Variants in BEGAIN observed in about 807,000 individuals in gnomAD.
BEGAIN encodes the protein brain enriched guanylate kinase associated, also known as brain-enriched guanylate kinase-associated protein.
In BEGAIN, 19 loss-of-function variants were observed where a neutral mutation model predicts 35.8. The ratio of observed to expected loss-of-function variants is 0.53; its 90% CI spans 0.37 to 0.78. BEGAIN has a LOEUF of 0.78. Ranked by LOEUF, BEGAIN falls within the 30% of genes least tolerant of loss-of-function variation. The pLI, the probability that BEGAIN is intolerant of heterozygous loss-of-function variation, is 0.00. For missense variants in BEGAIN, 795 were observed against 853.6 expected, an observed-to-expected ratio of 0.93 and a Z score of 0.85; for synonymous variants, 462 against 388.6, an observed-to-expected ratio of 1.19 and a Z score of -2.22.
rs1173237635 is a variant in BEGAIN at position 100,568,715 on chromosome 14, CG to C, written c.43-777del. Among the ~76,000 whole-genome samples the C allele has an allele frequency of 6.6e-6, 1 of 151,854 alleles. No individual in the cohort carries two copies. Among genetic ancestry groups the C allele is most frequent in the Non-Finnish European group, 1.5e-5 (1 of 67,900 alleles). On this transcript the variant is annotated intron_variant, in intron 1 of 6. Coordinates refer to ENST00000554140, the MANE Select transcript of BEGAIN (RefSeq NM_001385089.1). This position sits in a 1 kb window ranked among gnomAD's most constrained non-coding sequence, Gnocchi z 7.5. ...CCCGCCGCCGTTAACCTTGTGGGCG[CG>C]GGCGAGCGACGGGGACCGCGAGCGG...
intron 5 of BEGAIN, among the ~76,000 whole-genome samples, chr14:100,541,838 G>C (rs2031668240): frequency 6.6e-6 from 1 of 152,220 alleles, no homozygotes; most frequent in South Asian, 2.1e-4. Context: ...AGCAGCCGCA[G>C]CTGCTGGCTC....
At chr14:100,544,766 C>T (rs1463785538) in intron 4 of BEGAIN, among the ~76,000 whole-genome samples, 2 of 152,150 alleles carry the variant, frequency 1.3e-5, no homozygotes, top group African/African-American at 4.8e-5. Context: ...CCCTCTTACA[C>T]ACCCCCAGGC....
At chr14:100,554,987 G>T (rs1326337229) in intron 2 of BEGAIN, among the ~76,000 whole-genome samples, 1 of 152,202 alleles carries the variant, frequency 6.6e-6, no homozygotes, top group African/African-American at 2.4e-5. Flanking sequence ...GCTGAGCAGG[G>T]GGGTCACACG....
Position 100,538,271 on chromosome 14 carries a change from G to T in BEGAIN, c.1537C>A (p.Arg513=). Reference sequence around the variant, plus strand: ...CTGAGGCTCAGGTCGCCGCCCGCCCGCAGGAAGCAGGGCTCTGCCAGGTGG... The same window carrying T: ...CTGAGGCTCAGGTCGCCGCCCGCCCTCAGGAAGCAGGGCTCTGCCAGGTGG... ...QGHLAEPCFL[R]AGGDLSLSPG... The change falls in exon 7 of 7, where the codon CGG becomes AGG. Residue 513 remains arginine (R), a synonymous_variant. Transcript: ENST00000554140. The T allele has an allele frequency of 1.9e-6, 3 of 1,564,428 alleles. No individual in the cohort carries two copies. Among genetic ancestry groups the T allele is most frequent in the Non-Finnish European group, 2.6e-6 (3 of 1,163,374 alleles).
chr14:100,561,497 C>G lies in BEGAIN; in HGVS notation c.71+6414G>C, dbSNP rs113244415. On this transcript the variant is annotated intron_variant, in intron 2 of 6. Transcript: ENST00000554140. ...GGTGTGGTGGCTCATGTCTGTAATC[C>G]CAGCACTTTGGGAGGCCGAGGCAGG... Among the ~76,000 whole-genome samples, 1,317 of 152,234 alleles carry G rather than the reference C, an allele frequency of 8.7e-3. 22 individuals are homozygous for G. Among genetic ancestry groups the G allele is most frequent in the African/African-American group, 0.03 (1,248 of 41,536 alleles).
In BEGAIN at chr14:100,586,935, G is replaced by GT. The variant is rs570003570; in HGVS notation, c.42+313dup. ...CCTCCGGCCGCGCCCTTGGTCACCC[G>GT]TCCCTCCTTTCCTTCCGCCGCAGGG... On this transcript the variant is annotated intron_variant, in intron 1 of 6. Transcript: ENST00000554140. This position sits in a 1 kb window ranked among gnomAD's most constrained non-coding sequence, Gnocchi z 4.9. Among the ~76,000 whole-genome samples the GT allele has an allele frequency of 6.6e-6, 1 of 152,068 alleles. No homozygotes were observed. Among genetic ancestry groups the GT allele is most frequent in the African/African-American group, 2.4e-5 (1 of 41,526 alleles).
At chr14:100,542,217 C>T (rs148921356) in intron 5 of BEGAIN, among the ~76,000 whole-genome samples, 145 of 152,300 alleles carry the variant, frequency 9.5e-4, no homozygotes, top group African/African-American at 3.4e-3. Flanking sequence ...ACCTCCAGTT[C>T]CCCAAATCCC....
In BEGAIN at chr14:100,577,976, G is replaced by A. The variant is rs148314976; in HGVS notation, c.42+9273C>T. On this transcript the variant is annotated intron_variant, in intron 1 of 6. Coordinates refer to ENST00000554140, the MANE Select transcript of BEGAIN (RefSeq NM_001385089.1). The stretch of plus-strand genomic sequence containing the variant: ...ATCCTCCTGAGTCAGTCCAAGGTCC[G>A]GGCTCCCCAAGAGCGCCGTCACCCA... The A allele has an allele frequency of 6.3e-4, 253 of 399,242 alleles. 1 individual carries two copies. Among genetic ancestry groups the A allele is most frequent in the African/African-American group, 4.8e-3 (236 of 48,744 alleles). The allele number at this position is 399,242 out of a possible 1,614,324, so 24.7% of individuals were successfully genotyped here.
rs1595149053 is a variant in BEGAIN, at chr14:100,573,118, A to G, written c.43-5179T>C. 6.6e-6 allele frequency among the ~76,000 whole-genome samples: 1 copy of G among 151,166 alleles called. No homozygotes were observed. Among genetic ancestry groups the G allele is most frequent in the Admixed American group, 6.6e-5 (1 of 15,196 alleles). ...GTGATGAACACAGAGGCCCGGATGA[A>G]GTGAGCTGAGCCCAGTAGCAGATGA... On this transcript the variant is annotated intron_variant, in intron 1 of 6. Transcript: ENST00000554140. This position sits in a 1 kb window ranked among gnomAD's most constrained non-coding sequence, Gnocchi z 4.2.
intron 1 of BEGAIN, among the ~76,000 whole-genome samples, chr14:100,578,878 T>TTTTG (rs2035259492): frequency 6.7e-6 from 1 of 148,548 alleles, no homozygotes; most frequent in African/African-American, 2.5e-5. Flanking sequence ...TTTTTTTTTC[T>TTTTG]GAGATGGAGT....
Position 100,545,041 on chromosome 14 carries a change from G to T in BEGAIN, c.259C>A (p.Gln87Lys). 6.2e-7 allele frequency: 1 copy of T among 1,613,330 alleles called. No individual in the cohort carries two copies. The highest frequency in any genetic ancestry group is 2.2e-5 in the East Asian group (1 of 44,876). ...TCCTCCAGCTCCTGGTTGATCCTCT[G>T]CAGTGCCATGTAGTTGCTCTGAATC... ...RRIQSNYMALQRINQELEDKL... is the reference protein window; with the variant it reads ...RRIQSNYMALKRINQELEDKL... The change falls in exon 4 of 7, where the codon CAG becomes AAG. Residue 87 changes from glutamine (Q) to lysine (K), a missense_variant. Gln to Lys is a moderately conservative substitution (Grantham distance 53, BLOSUM62 1). Around this residue, in one of 3 missense-constraint regions of BEGAIN, gnomAD observed 73 missense variants for 143.2 expected, o/e 0.51. Transcript: ENST00000554140.
Position 100,540,593 on chromosome 14 carries a change from G to C in BEGAIN, c.409-14C>G. ...CCTATAGAGCTCCTAAAAGACAAGA[G>C]AAGGCGTTTGGCGCCATTCACCCCA... On this transcript the variant is annotated splice_polypyrimidine_tract_variant and intron_variant, in intron 5 of 6. Transcript: ENST00000554140. 9 of 1,584,886 alleles carry C rather than the reference G, an allele frequency of 5.7e-6. No homozygotes were observed. Among genetic ancestry groups the C allele is most frequent in the Non-Finnish European group, 7.7e-6 (9 of 1,163,950 alleles).
In BEGAIN at chr14:100,568,832, G is replaced by A. The variant is rs951532165; in HGVS notation, c.43-893C>T. Reference sequence around the variant, plus strand: ...GAGGCCGCTCCCCGGGGCTTTGCCCGTCTTTCTGTGCCGTGACTGGCACTC... The same window carrying A: ...GAGGCCGCTCCCCGGGGCTTTGCCCATCTTTCTGTGCCGTGACTGGCACTC... On this transcript the variant is annotated intron_variant, in intron 1 of 6. Transcript: ENST00000554140. The surrounding 1 kb of genome is among the most constrained non-coding windows in gnomAD (Gnocchi z 7.5). The A allele has an allele frequency of 9.2e-6, 9 of 982,960 alleles. No homozygotes were observed. The Admixed American group carries it at 3.7e-4, about 40-fold the overall frequency. The allele number at this position is 982,960 out of a possible 1,614,324, so 60.9% of individuals were successfully genotyped here.
Position 100,538,608 on chromosome 14 carries a change from G to C in BEGAIN, c.1200C>G (p.Arg400=). The C allele has an allele frequency of 6.5e-7, 1 of 1,549,548 alleles. No homozygotes were observed. The highest frequency in any genetic ancestry group is 1.2e-5 in the South Asian group (1 of 83,550). The stretch of plus-strand genomic sequence containing the variant: ...GCTGGGGACCCGGAGAGGCCGGGAA[G>C]CGGAAGGTCTCGGCCGGGTACGGTG... ...TMSPYPAETF[R]FPASPGPQQA... The change falls in exon 7 of 7, where the codon CGC becomes CGG. Residue 400 remains arginine (R), a synonymous_variant. Transcript: ENST00000554140.
Position 100,538,817 on chromosome 14 carries a change from G to T in BEGAIN, c.991C>A (p.His331Asn), listed in dbSNP as rs1192234496. 2 of 1,603,990 alleles carry T rather than the reference G, an allele frequency of 1.2e-6. No individual in the cohort carries two copies. Among genetic ancestry groups the T allele is most frequent in the Admixed American group, 3.4e-5 (2 of 58,332 alleles). The change falls in exon 7 of 7, where the codon CAC (histidine) becomes AAC (asparagine). Residue 331 changes from histidine (H) to asparagine (N), a missense_variant. By Grantham distance (68) the His-to-Asn change is moderately conservative (BLOSUM62 1). Around this residue, in one of 3 missense-constraint regions of BEGAIN, gnomAD observed 664 missense variants for 647.7 expected, o/e 1.03. Coordinates refer to ENST00000554140, the MANE Select transcript of BEGAIN (RefSeq NM_001385089.1). ...SFSATSEEKEHAQASTLTASQ... is the reference protein window; with the variant it reads ...SFSATSEEKENAQASTLTASQ... ...GCGGTCAGCGTGCTGGCCTGCGCGT[G>T]CTCCTTCTCCTCCGACGTGGCGCTG...
intron 6 of BEGAIN, chr14:100,540,244 G>A (rs1220292840): frequency 7.5e-6 from 4 of 534,644 alleles, no homozygotes; most frequent in East Asian, 3.0e-5. Flanking sequence ...AAAGGAAACC[G>A]AGGGCAACCA....
chr14:100,561,417 C>T, intron 2 of BEGAIN, among the ~76,000 whole-genome samples: 1 of 152,182 alleles, frequency 6.6e-6, no homozygotes, highest in East Asian at 1.9e-4. Context: ...TTACTACCCC[C>T]ATTTACAGAT....
At chr14:100,552,115 T>C (rs2033267209) in intron 2 of BEGAIN, among the ~76,000 whole-genome samples, 1 of 152,132 alleles carries the variant, frequency 6.6e-6, no homozygotes, top group East Asian at 1.9e-4. Context: ...AGGTCCCATC[T>C]GTAGGGGGCC....
At chr14:100,557,080 CG>C (rs1290044434) in intron 2 of BEGAIN, among the ~76,000 whole-genome samples, 1 of 126,400 alleles carries the variant, frequency 7.9e-6, no homozygotes, top group African/African-American at 3.4e-5. Flanking sequence ...CAGCCACACC[CG>C]AGTCAGGGCG....
Sources: allele counts gnomAD v4.1 joint callset (sites outside exome capture counted in the v4.1 genomes callset), GRCh38; gene constraint gnomAD v4.1.1; regional missense constraint gnomAD v4.1.1; non-coding constraint Gnocchi (gnomAD v3.1); transcripts MANE v1.5; gene names NCBI Gene and HGNC (gene_info 2026-07-23, HGNC 2026-07-21).